The following STAB2 variants were observed in gnomAD, a reference collection of about 807,000 sequenced individuals.
The protein encoded by STAB2 is stabilin-2.
A neutral mutation model predicts 338.1 loss-of-function variants in STAB2; 288 were observed. That is an observed-to-expected ratio of 0.85 (90% CI 0.77 to 0.94). The LOEUF is 0.94. Among genes scored for constraint, STAB2 ranks in the 40% least tolerant of loss-of-function variants. The pLI is 0.00. For missense variants in STAB2, 3,141 were observed against 3,210.1 expected, an observed-to-expected ratio of 0.98 and a Z score of 0.52; for synonymous variants, 1,202 against 1,193.3, an observed-to-expected ratio of 1.01 and a Z score of -0.15.
intron 15 of STAB2, 77 bp from the exon 16 acceptor site, chr12:103,660,254 C>G: frequency 6.9e-6 from 10 of 1,448,340 alleles, no homozygotes; most frequent in Non-Finnish European, 8.7e-6. Flanking sequence ...TGTCTAACGT[C>G]ATTTGAAGAG....
chr12:103,593,084 T>G (rs868461201), intron 2 of STAB2, among the ~76,000 whole-genome samples: 19 of 152,230 alleles, frequency 1.2e-4, no homozygotes, highest in African/African-American at 4.1e-4. Context: ...ATGTTTATGT[T>G]GCTTCCATGT....
Position 103,670,679 on chromosome 12 carries a change from C to T in STAB2, c.2260-17C>T. On this transcript the variant is annotated splice_polypyrimidine_tract_variant and intron_variant, in intron 21 of 68. Transcript: ENST00000388887. The stretch of plus-strand genomic sequence containing the variant: ...CTATGTGTCCTAATGGCCCATGGGC[C>T]CTGCCTTTGCTCCCAGTGTGCAGAT... 6.2e-7 allele frequency: 1 copy of T among 1,608,530 alleles called. No homozygotes were observed. Among genetic ancestry groups the T allele is most frequent in the Non-Finnish European group, 8.5e-7 (1 of 1,175,528 alleles).
intron 59 of STAB2, 111 bp from the exon 60 acceptor site, chr12:103,750,468 T>C (rs930553315): frequency 2.9e-6 from 4 of 1,394,990 alleles, no homozygotes; most frequent in Admixed American, 3.8e-5. Context: ...AGGCACGTTC[T>C]CTTGGTCCAT....
intron 26 of STAB2, among the ~76,000 whole-genome samples, chr12:103,684,400 T>C (rs1877208579): frequency 6.6e-6 from 1 of 152,104 alleles, no homozygotes; most frequent in South Asian, 2.1e-4. Flanking sequence ...AATTCTCTGA[T>C]AGAAGAAAAA....
chr12:103,740,489 G>T, intron 54 of STAB2, 141 bp from the exon 55 acceptor site: 1 of 1,118,638 alleles, frequency 8.9e-7, no homozygotes. Context: ...TATCACCTTG[G>T]AAAAAAAAAG....
intron 46 of STAB2, among the ~76,000 whole-genome samples, chr12:103,726,758 CTA>C (rs1881237713): frequency 6.6e-6 from 1 of 151,934 alleles, no homozygotes; most frequent in Non-Finnish European, 1.5e-5. Context: ...ATATAAAAAA[CTA>C]AAATAAAATC....
At chr12:103,747,143 C>T (rs1458358805) in intron 58 of STAB2, among the ~76,000 whole-genome samples, 2 of 151,858 alleles carry the variant, frequency 1.3e-5, no homozygotes, top group South Asian at 2.1e-4. Flanking sequence ...GTTTTTCTAA[C>T]TCTACAAGTA....
chr12:103,613,630 C>T (rs1957163281), intron 3 of STAB2, among the ~76,000 whole-genome samples: 1 of 152,198 alleles, frequency 6.6e-6, no homozygotes, highest in Non-Finnish European at 1.5e-5. Context: ...ACCCCTTGCA[C>T]TTCCCGGGCG....
intron 3 of STAB2, among the ~76,000 whole-genome samples, chr12:103,601,303 TTAAAGGGGC>T (rs1956950892): frequency 6.6e-6 from 1 of 152,124 alleles, no homozygotes; most frequent in African/African-American, 2.4e-5. Flanking sequence ...CAAGAAACCT[TTAAAGGGGC>T]TGGGCGAGGT....
chr12:103,745,163 T>C lies in STAB2; in HGVS notation c.6032-10T>C. 6 of 1,609,388 alleles carry C rather than the reference T, an allele frequency of 3.7e-6. No homozygotes were observed. The highest frequency in any genetic ancestry group is 1.3e-5 in the African/African-American group (1 of 74,736). ...CCCTGATGACTGACCATATCCTAAT[T>C]TGTTTACAGCCTGTGGCTGCTCAGA... On this transcript the variant is annotated splice_polypyrimidine_tract_variant and intron_variant, in intron 56 of 68. Coordinates refer to ENST00000388887, the MANE Select transcript of STAB2 (RefSeq NM_017564.10).
At chr12:103,660,534 C>A in intron 16 of STAB2, 149 bp from the exon 17 acceptor site, 5 of 1,252,494 alleles carry the variant, frequency 4.0e-6, no homozygotes, top group African/African-American at 1.5e-5. Context: ...ATTATCAGAG[C>A]GATCTTCAAA....
intron 52 of STAB2, 27 bp from the exon 53 acceptor site, chr12:103,737,604 CTCT>C (rs769463148): frequency 4.7e-6 from 5 of 1,054,136 alleles, no homozygotes; most frequent in South Asian, 3.7e-5. Context: ...CTCTCTCTTT[CTCT>C]TTTTTTTTTT....
At chr12:103,595,137 T>C (rs17034190) in intron 3 of STAB2, among the ~76,000 whole-genome samples, 5,541 of 152,238 alleles carry the variant, frequency 0.036, 364 homozygotes, top group African/African-American at 0.13. Context: ...ATAGCTGAAA[T>C]TGAACTTTTA....
intron 10 of STAB2, 53 bp downstream of exon 10, chr12:103,648,876 G>T: frequency 1.9e-6 from 3 of 1,593,662 alleles, no homozygotes; most frequent in Non-Finnish European, 2.6e-6. Context: ...TCAGGAAAGG[G>T]CATCTGCAAG....
intron 44 of STAB2, among the ~76,000 whole-genome samples, chr12:103,718,620 C>A (rs1263910700): frequency 6.6e-6 from 1 of 152,168 alleles, no homozygotes; most frequent in African/African-American, 2.4e-5. Context: ...AGGACTAGGA[C>A]CAGCGGATGG....
chr12:103,625,596 G>A (rs937276630), intron 5 of STAB2, among the ~76,000 whole-genome samples: 20 of 152,264 alleles, frequency 1.3e-4, no homozygotes, highest in African/African-American at 4.8e-4. Flanking sequence ...ACCTATGAGT[G>A]AGAACATGCG....
At chr12:103,735,243 G>A (rs2139096184) in intron 51 of STAB2, among the ~76,000 whole-genome samples, 1 of 152,210 alleles carries the variant, frequency 6.6e-6, no homozygotes, top group African/African-American at 2.4e-5. Context: ...AAGCATAGAT[G>A]GGAGATGGAA....
intron 34 of STAB2, 28 bp downstream of exon 34, chr12:103,699,255 C>T: frequency 6.3e-7 from 1 of 1,578,334 alleles, no homozygotes; most frequent in Non-Finnish European, 8.6e-7. Flanking sequence ...AAAACCCCAG[C>T]AATGCCACCG....
At chr12:103,729,032 G>GATC (rs1398480872) in intron 48 of STAB2, 37 bp downstream of exon 48, 1 of 1,607,346 alleles carries the variant, frequency 6.2e-7, no homozygotes, top group Non-Finnish European at 8.5e-7. Context: ...CTCTCCCCTA[G>GATC]ATCATGTCCT....
Sources: gnomAD v4.1 joint callset for allele counts (sites outside exome capture counted in the v4.1 genomes callset) on GRCh38, gnomAD v4.1.1 for gene constraint, MANE v1.5 for transcripts, NCBI Gene and HGNC (gene_info 2026-07-23, HGNC 2026-07-21) for gene names.